Variants in IL1R1 observed in about 807,000 individuals in gnomAD.
The protein encoded by IL1R1 is interleukin 1 receptor type 1, also known as interleukin-1 receptor type 1.
IL1R1 carries 22 observed loss-of-function variants against 50.2 expected under a neutral mutation model. That is an observed-to-expected ratio of 0.44 (90% CI 0.31 to 0.63). IL1R1 has a LOEUF of 0.63. Among genes scored for constraint, IL1R1 ranks in the 20% least tolerant of loss-of-function variants. The pLI is 0.07. For synonymous variants in IL1R1, 251 were observed against 236.7 expected (o/e 1.06, Z -0.55); for missense variants, 509 against 676.2 (o/e 0.75, Z 2.74).
At chr2:102,091,804 A>G (rs1220344343) in intron 1 of IL1R1, among the ~76,000 whole-genome samples, 1 of 152,098 alleles carries the variant, frequency 6.6e-6, no homozygotes, top group East Asian at 1.9e-4. Flanking sequence ...CCCAGCCTCT[A>G]CTATCTATTA....
chr2:102,129,166 G>A (rs1353409642), intron 1 of IL1R1, among the ~76,000 whole-genome samples: 1 of 152,054 alleles, frequency 6.6e-6, no homozygotes, highest in African/African-American at 2.4e-5. Flanking sequence ...AGCCAAGATG[G>A]TGCTACTGCA....
chr2:102,127,494 G>A (rs1248196777), intron 1 of IL1R1, among the ~76,000 whole-genome samples: 1 of 152,160 alleles, frequency 6.6e-6, no homozygotes, highest in East Asian at 1.9e-4. Flanking sequence ...ATACGGCAGT[G>A]TATAAAACAG....
chr2:102,120,998 C>T (rs557729968), intron 1 of IL1R1, among the ~76,000 whole-genome samples: 1 of 152,216 alleles, frequency 6.6e-6, no homozygotes, highest in Non-Finnish European at 1.5e-5. Context: ...CAAGCAGCTG[C>T]TTGGGGACTC....
chr2:102,141,221 G>A (rs1021161486), upstream of IL1R1, among the ~76,000 whole-genome samples: 3 of 152,204 alleles, frequency 2.0e-5, no homozygotes, highest in Admixed American at 6.5e-5. Flanking sequence ...GGAGCTTAGA[G>A]GAACAACTGC....
At position 102,175,572 on chromosome 2, in the gene IL1R1, C is replaced by A. The variant is rs778759661; in HGVS notation, c.1230C>A (p.Val410=). The stretch of plus-strand genomic sequence containing the variant: ...ACTGTGATATTTTTGTGTTTAAAGT[C>A]TTGCCTGAGGTCTTGGAAAAACAGT... ...TSDCDIFVFK[V]LPEVLEKQCG... Residue 410 remains valine, a synonymous_variant, in exon 11 of 12, where the codon GTC becomes GTA. Coordinates refer to ENST00000410023, the MANE Select transcript of IL1R1 (RefSeq NM_000877.4). 1.2e-6 allele frequency: 2 copies of A among 1,613,914 alleles called. No homozygotes were observed. Among genetic ancestry groups the A allele is most frequent in the Admixed American group, 3.3e-5 (2 of 60,024 alleles).
At chr2:102,123,576 G>A (rs1203889774) in intron 1 of IL1R1, among the ~76,000 whole-genome samples, 1 of 152,160 alleles carries the variant, frequency 6.6e-6, no homozygotes, top group Non-Finnish European at 1.5e-5. Flanking sequence ...AGGAGTTCCA[G>A]ACCAGCCTGG....
At chr2:102,150,285 G>A (rs948853745) in intron 1 of IL1R1, among the ~76,000 whole-genome samples, 12 of 152,134 alleles carry the variant, frequency 7.9e-5, no homozygotes, top group Non-Finnish European at 1.2e-4. Flanking sequence ...CACTTTTCCC[G>A]TGCGTGCACT....
intron 1 of IL1R1, among the ~76,000 whole-genome samples, chr2:102,124,828 A>T (rs970913720): frequency 2.1e-4 from 32 of 152,000 alleles, no homozygotes; most frequent in African/African-American, 7.3e-4. Context: ...AGGCAGGAGA[A>T]TCACTTGAAC....
chr2:102,132,218 A>T (rs190869413), intron 1 of IL1R1, among the ~76,000 whole-genome samples: 1 of 151,796 alleles, frequency 6.6e-6, no homozygotes, highest in East Asian at 1.9e-4. Context: ...AAAGGATACT[A>T]GATGGAGATC....
Position 102,078,341 on chromosome 2 carries a change from A to C in IL1R1, c.-84+7808A>C, listed in dbSNP as rs1460877133. ...CACTGGACTGATCAAAAATTGAAAG[A>C]TGACTCAAATAACTAAAATCAGGAA... On this transcript the variant is annotated intron_variant, in intron 1 of 11. Coordinates refer to the IL1R1 transcript ENST00000409929. 2.6e-5 allele frequency among the ~76,000 whole-genome samples: 4 copies of C among 152,060 alleles called. No individual in the cohort carries two copies. The South Asian group carries it at 8.3e-4, about 31-fold the overall frequency.
intron 1 of IL1R1, among the ~76,000 whole-genome samples, chr2:102,105,091 A>T (rs140742499): frequency 1.3e-5 from 2 of 152,344 alleles, no homozygotes; most frequent in African/African-American, 4.8e-5. Flanking sequence ...GAGTCATATT[A>T]GGAGAACGAC....
chr2:102,172,683 A>G lies in IL1R1; in HGVS notation c.840-4A>G. 1 of 1,600,504 alleles carries G rather than the reference A, an allele frequency of 6.2e-7. No individual in the cohort carries two copies. Among genetic ancestry groups the G allele is most frequent in the Non-Finnish European group, 8.5e-7 (1 of 1,173,442 alleles). The stretch of plus-strand genomic sequence containing the variant: ...CAAGTTTATTTACTCTCTCTCTCGA[A>G]TAGTGTGGAAAATCCTGCAAACAAA... On this transcript the variant is annotated splice_polypyrimidine_tract_variant and splice_region_variant and intron_variant, in intron 8 of 11. Transcript: ENST00000410023.
chr2:102,117,631 C>T (rs1577885377), intron 1 of IL1R1, among the ~76,000 whole-genome samples: 1 of 152,140 alleles, frequency 6.6e-6, no homozygotes, highest in Non-Finnish European at 1.5e-5. Context: ...TGAATCCCAC[C>T]CATTCCAAAG....
At chr2:102,145,367 C>T (rs1683026035) in intron 1 of IL1R1, among the ~76,000 whole-genome samples, 1 of 152,108 alleles carries the variant, frequency 6.6e-6, no homozygotes, top group Non-Finnish European at 1.5e-5. Flanking sequence ...GCTGCTGGAG[C>T]CTCCCGGCCA....
At chr2:102,174,403 A>C (rs3917314) in intron 9 of IL1R1, among the ~76,000 whole-genome samples, 184 bp from the exon 10 acceptor site, 8,954 of 152,262 alleles carry the variant, frequency 0.059, 321 homozygotes, top group Middle Eastern at 0.15. Flanking sequence ...CCTTAGTTTT[A>C]TCATTGCTTT....
intron 1 of IL1R1, among the ~76,000 whole-genome samples, chr2:102,136,162 T>G (rs1682327183): frequency 6.6e-6 from 1 of 152,124 alleles, no homozygotes; most frequent in African/African-American, 2.4e-5. Context: ...ATATTCTAAA[T>G]GGTATGCTGA....
chr2:102,139,158 T>C (rs1682504308), upstream of IL1R1, among the ~76,000 whole-genome samples: 1 of 152,138 alleles, frequency 6.6e-6, no homozygotes, highest in Non-Finnish European at 1.5e-5. Context: ...CCATGAGTTA[T>C]CCTCTGTTCT....
intron 1 of IL1R1, among the ~76,000 whole-genome samples, chr2:102,075,357 A>G (rs1448091485): frequency 6.6e-6 from 1 of 152,186 alleles, no homozygotes; most frequent in Non-Finnish European, 1.5e-5. Context: ...CATAGTGGGC[A>G]CTGAGGAAAT....
intron 1 of IL1R1, among the ~76,000 whole-genome samples, chr2:102,087,742 G>A (rs1679490228): frequency 6.6e-6 from 1 of 152,124 alleles, no homozygotes; most frequent in African/African-American, 2.4e-5. Flanking sequence ...AGCTTCCTGA[G>A]GCTGCTCCAG....
Sources: gnomAD v4.1 joint callset for allele counts (sites outside exome capture counted in the v4.1 genomes callset) on GRCh38, gnomAD v4.1.1 for gene constraint, MANE v1.5 for transcripts, NCBI Gene and HGNC (gene_info 2026-07-23, HGNC 2026-07-21) for gene names.